ERBB4: variants seen among roughly 807,000 people sequenced by gnomAD.
ERBB4 encodes the protein erb-b2 receptor tyrosine kinase 4.
In ERBB4, 42 loss-of-function variants were observed where a neutral mutation model predicts 158.0. That is an observed-to-expected ratio of 0.27 (90% CI 0.21 to 0.34). ERBB4 has a LOEUF of 0.34. Ranked by LOEUF, ERBB4 falls within the 10% of genes least tolerant of loss-of-function variation. The pLI is 1.00. For missense variants in ERBB4, 1,333 were observed against 1,624.1 expected, an observed-to-expected ratio of 0.82 and a Z score of 3.08; for synonymous variants, 583 against 558.7, an observed-to-expected ratio of 1.04 and a Z score of -0.61.
chr2:211,587,367 G>A (rs535764191), intron 19 of ERBB4, among the ~76,000 whole-genome samples: 1 of 152,022 alleles, frequency 6.6e-6, no homozygotes, highest in Non-Finnish European at 1.5e-5. Context: ...TAAATAAAAA[G>A]ATGAGACACG....
intron 14 of ERBB4, among the ~76,000 whole-genome samples, chr2:211,666,544 T>C (rs918207971): frequency 2.0e-5 from 3 of 152,182 alleles, no homozygotes; most frequent in Non-Finnish European, 4.4e-5. Context: ...GTATAATGGA[T>C]GGAAAGCATA....
chr2:211,379,770 A>G lies in ERBB4; in HGVS notation c.*3845T>C, dbSNP rs532551750. The G allele has an allele frequency of 1.2e-4, 29 of 232,154 alleles. No individual in the cohort carries two copies. The highest frequency in any genetic ancestry group is 5.7e-4 in the African/African-American group (26 of 45,404). The allele number at this position is 232,154 out of a possible 1,614,324, so 14.4% of individuals were successfully genotyped here. ...CTAGTTAAATTATCAACAATTACAG[A>G]TGGATGAATAATTCCAGTTTTGAAA... On this transcript the variant is annotated 3_prime_UTR_variant, in exon 28 of 28. Coordinates refer to ENST00000342788, the MANE Select transcript of ERBB4 (RefSeq NM_005235.3).
chr2:211,478,661 T>A (rs1456508156), intron 20 of ERBB4, among the ~76,000 whole-genome samples: 1 of 151,722 alleles, frequency 6.6e-6, no homozygotes, highest in African/African-American at 2.4e-5. Flanking sequence ...CTTCTCTCCA[T>A]CCCTGCTTTC....
chr2:212,019,025 T>C (rs1167340848), intron 2 of ERBB4, among the ~76,000 whole-genome samples: 2 of 152,116 alleles, frequency 1.3e-5, no homozygotes, highest in Admixed American at 6.6e-5. Context: ...GGCACATTCA[T>C]TGACATATAC....
intron 19 of ERBB4, among the ~76,000 whole-genome samples, chr2:211,568,706 C>T (rs1422507652): frequency 6.6e-6 from 1 of 152,052 alleles, no homozygotes; most frequent in African/African-American, 2.4e-5. Flanking sequence ...AGAAAAGAGA[C>T]AATTAATGTA....
intron 2 of ERBB4, among the ~76,000 whole-genome samples, chr2:212,035,091 T>C (rs548119718): frequency 1.3e-5 from 2 of 152,286 alleles, no homozygotes; most frequent in African/African-American, 4.8e-5. Flanking sequence ...ACAGAGAACA[T>C]AAATCAATGC....
intron 1 of ERBB4, among the ~76,000 whole-genome samples, chr2:212,384,972 C>T (rs1574822411): frequency 6.8e-6 from 1 of 148,122 alleles, no homozygotes; most frequent in African/African-American, 2.5e-5. Context: ...ATAACTACTA[C>T]CCTACAAGGT....
At chr2:211,532,817 G>A (rs768464460) in intron 20 of ERBB4, among the ~76,000 whole-genome samples, 1 of 151,788 alleles carries the variant, frequency 6.6e-6, no homozygotes, top group Non-Finnish European at 1.5e-5. Flanking sequence ...ACGTAAAACA[G>A]CACATAGCAA....
At chr2:212,053,257 G>A (rs567519877) in intron 2 of ERBB4, among the ~76,000 whole-genome samples, 3 of 152,214 alleles carry the variant, frequency 2.0e-5, no homozygotes, top group Admixed American at 6.5e-5. Flanking sequence ...TTCTCTTTTA[G>A]TAAGGTACAA....
intron 1 of ERBB4, among the ~76,000 whole-genome samples, chr2:212,175,625 G>A: frequency 6.9e-6 from 1 of 144,570 alleles, no homozygotes; most frequent in Non-Finnish European, 1.5e-5. Context: ...TTTTTTTTCT[G>A]GTAGGATGGA....
intron 1 of ERBB4, among the ~76,000 whole-genome samples, chr2:212,283,498 T>C (rs1390655569): frequency 1.3e-5 from 2 of 152,114 alleles, no homozygotes; most frequent in Non-Finnish European, 2.9e-5. Flanking sequence ...GAAATGTATC[T>C]GATATACTCT....
intron 2 of ERBB4, among the ~76,000 whole-genome samples, chr2:212,073,696 A>G (rs1195823758): frequency 6.6e-6 from 1 of 151,984 alleles, no homozygotes; most frequent in African/African-American, 2.4e-5. Flanking sequence ...TGATGAGTGG[A>G]TCTGGGCGGG....
chr2:212,067,504 A>G (rs578253366), intron 2 of ERBB4, among the ~76,000 whole-genome samples: 1 of 152,146 alleles, frequency 6.6e-6, no homozygotes, highest in African/African-American at 2.4e-5. Context: ...ACTCTATAAC[A>G]AAAACAAAAA....
At position 212,353,424 on chromosome 2, in the gene ERBB4, T is replaced by C. The variant is rs572488569; in HGVS notation, c.82+185025A>G. Among the ~76,000 whole-genome samples, 4 of 149,168 alleles carry C rather than the reference T, an allele frequency of 2.7e-5. No homozygotes were observed. The South Asian group carries it at 8.4e-4, about 31-fold the overall frequency. On this transcript the variant is annotated intron_variant, in intron 1 of 27. Transcript: ENST00000342788. ...CAAATAAAATTTGTATAAAATATTATATAAATAAAAGTATACAATATAAAC... is the reference window on the plus strand; with the variant it reads ...CAAATAAAATTTGTATAAAATATTACATAAATAAAAGTATACAATATAAAC...
intron 3 of ERBB4, among the ~76,000 whole-genome samples, chr2:211,918,541 T>G (rs1575376060): frequency 1.3e-5 from 2 of 152,140 alleles, no homozygotes; most frequent in Non-Finnish European, 2.9e-5. Flanking sequence ...TTTCGAGAGA[T>G]ACGTTTTAAT....
intron 20 of ERBB4, among the ~76,000 whole-genome samples, chr2:211,513,022 A>G (rs1214262014): frequency 6.6e-6 from 1 of 151,910 alleles, no homozygotes; most frequent in Non-Finnish European, 1.5e-5. Context: ...ATTTGAGCAG[A>G]GCTGATTGCC....
At chr2:211,650,011 G>A (rs1039351886) in intron 16 of ERBB4, among the ~76,000 whole-genome samples, 1 of 151,864 alleles carries the variant, frequency 6.6e-6, no homozygotes. Context: ...ATGTGCTGAG[G>A]TAATAAGAAA....
intron 20 of ERBB4, among the ~76,000 whole-genome samples, chr2:211,452,130 C>T (rs1373453391): frequency 6.6e-6 from 1 of 152,168 alleles, no homozygotes; most frequent in East Asian, 1.9e-4. Context: ...TATATTTCTG[C>T]TTAAGAATTT....
intron 1 of ERBB4, among the ~76,000 whole-genome samples, chr2:212,324,346 G>C (rs1413472074): frequency 6.6e-6 from 1 of 150,650 alleles, no homozygotes; most frequent in Non-Finnish European, 1.5e-5. Context: ...ACTGAACCAA[G>C]AGGAAATAGT....
Sources: gnomAD v4.1 joint callset for allele counts (sites outside exome capture counted in the v4.1 genomes callset) on GRCh38, gnomAD v4.1.1 for gene constraint, MANE v1.5 for transcripts, NCBI Gene and HGNC (gene_info 2026-07-23, HGNC 2026-07-21) for gene names.